GRHPR: variants seen among roughly 807,000 people sequenced by gnomAD.
The protein encoded by GRHPR is glyoxylate reductase/hydroxypyruvate reductase.
Under a neutral mutation model 36.8 loss-of-function variants are expected in GRHPR, and 35 were observed. That is an observed-to-expected ratio of 0.95 (90% CI 0.73 to 1.26). The LOEUF is 1.26. Among genes scored for constraint, GRHPR ranks in the 50% most tolerant of loss-of-function variants. The probability of loss-of-function intolerance (pLI) is 0.00; values close to 1 mark genes in which losing one functional copy is unlikely to be tolerated. For missense variants in GRHPR, 380 were observed against 435.0 expected (o/e 0.87, Z 1.12); for synonymous variants, 179 against 181.0 (o/e 0.99, Z 0.09).
chr9:37,429,452 C>A, intron 5 of GRHPR: 1 of 487,630 alleles, frequency 2.1e-6, no homozygotes, highest in Non-Finnish European at 3.8e-6. Context: ...ACCTGAGTGG[C>A]TTTCCAGATG....
chr9:37,434,590 A>G, intron 8 of GRHPR: 1 of 242,630 alleles, frequency 4.1e-6, no homozygotes. Flanking sequence ...AAGTTAATGA[A>G]GGCCATAGGA....
At chr9:37,432,409 G>T (rs538596039) in intron 8 of GRHPR, 29 of 389,570 alleles carry the variant, frequency 7.4e-5, no homozygotes, top group South Asian at 5.8e-4. Context: ...GCCAGGCGTG[G>T]TGGCTCATGC....
intron 6 of GRHPR, 150 bp downstream of exon 6, chr9:37,429,986 T>C: frequency 4.3e-6 from 3 of 689,878 alleles, no homozygotes; most frequent in Non-Finnish European, 7.9e-6. Flanking sequence ...TACCTGCCCC[T>C]GGACACTGGC....
chr9:37,432,464 G>T, intron 8 of GRHPR: 1 of 342,528 alleles, frequency 2.9e-6, no homozygotes, highest in Non-Finnish European at 5.8e-6. Flanking sequence ...TGGATCACGA[G>T]GTCAGGGGTT....
intron 4 of GRHPR, chr9:37,428,074 G>A (rs1347638639): frequency 3.1e-6 from 1 of 327,486 alleles, no homozygotes; most frequent in African/African-American, 2.1e-5. Flanking sequence ...CTTGCCCAGG[G>A]CAGCAGGGTG....
chr9:37,428,624 G>A, intron 5 of GRHPR, 52 bp downstream of exon 5: 1 of 1,174,768 alleles, frequency 8.5e-7, no homozygotes, highest in Non-Finnish European at 1.3e-6. Flanking sequence ...AGCGTGGTTT[G>A]CATCCCTGGC....
At position 37,425,947 on chromosome 9, in the gene GRHPR, C is replaced by T; in HGVS notation, c.240C>T (p.Thr80=). ...AAGANLKVIS[T]MSVGIDHLAL... The stretch of plus-strand genomic sequence containing the variant: ...GGGCCAATCTCAAAGTCATCAGCAC[C>T]ATGTCTGTGGGCATCGACCACTTGG... The change falls in exon 3 of 9, where the codon ACC becomes ACT. Residue 80 remains threonine, a synonymous_variant. Coordinates refer to ENST00000318158, the MANE Select transcript of GRHPR (RefSeq NM_012203.2). The T allele has an allele frequency of 6.2e-7, 1 of 1,613,684 alleles. No homozygotes were observed. The highest frequency in any genetic ancestry group is 8.5e-7 in the Non-Finnish European group (1 of 1,179,608).
intron 8 of GRHPR, chr9:37,434,515 C>T: frequency 2.3e-6 from 1 of 440,824 alleles, no homozygotes; most frequent in Non-Finnish European, 4.2e-6. Flanking sequence ...AGAGGAAAAG[C>T]CCGCAGAACA....
At position 37,424,901 on chromosome 9, in the gene GRHPR, G is replaced by A. The variant is rs1357326535; in HGVS notation, c.140G>A (p.Arg47Gln). 7.4e-6 allele frequency: 12 copies of A among 1,613,498 alleles called. No individual in the cohort carries two copies. The highest frequency in any genetic ancestry group is 1.7e-5 in the Admixed American group (1 of 60,004). Residue 47 changes from arginine (R) to glutamine (Q), a missense_variant, in exon 2 of 9, where the codon CGA becomes CAA. Transcript: ENST00000318158. Reference protein sequence around the residue: ...DEPIPAKELERGVAGAHGLLC... With the variant: ...DEPIPAKELEQGVAGAHGLLC... ...CCCATCCCTGCCAAGGAGCTAGAGC[G>A]AGGTGTGGCGGGGGCCCACGGCCTG...
Position 37,422,715 on chromosome 9 carries a change from T to G in GRHPR, c.-36T>G. 2 of 1,500,910 alleles carry G rather than the reference T, an allele frequency of 1.3e-6. No homozygotes were observed. Among genetic ancestry groups the G allele is most frequent in the East Asian group, 4.9e-5 (2 of 41,040 alleles). 93.0% of individuals were successfully genotyped at this position (1,500,910 alleles called of 1,614,324 possible). A position where few individuals can be genotyped will look rare whatever the true frequency, so the allele number is the denominator to read the frequency against. ...CCAGCTACATTCCCGGGCCAGCTTC[T>G]GTACTGCCAGGTCCGGGTCGGCGGC... is the stretch of plus-strand genomic sequence containing the variant. On this transcript the variant is annotated 5_prime_UTR_variant, in exon 1 of 9. Transcript: ENST00000318158.
At chr9:37,426,939 A>C (rs1459230886) in intron 4 of GRHPR, among the ~76,000 whole-genome samples, 2 of 139,814 alleles carry the variant, frequency 1.4e-5, no homozygotes, top group African/African-American at 5.3e-5. Flanking sequence ...TGACGGTGTG[A>C]GACTCTGTCT....
intron 8 of GRHPR, among the ~76,000 whole-genome samples, chr9:37,433,518 G>T (rs1391112854): frequency 1.3e-5 from 2 of 152,162 alleles, no homozygotes; most frequent in Non-Finnish European, 2.9e-5. Flanking sequence ...ACAGGCATGA[G>T]TGTCCGGCCA....
At chr9:37,423,775 A>G (rs1236091622) in intron 1 of GRHPR, among the ~76,000 whole-genome samples, 1 of 152,246 alleles carries the variant, frequency 6.6e-6, no homozygotes, top group East Asian at 1.9e-4. Context: ...CACCTGGCCC[A>G]CCCTTGCTAA....
At chr9:37,438,342 T>C (rs1361491854), downstream of GRHPR, 1 of 152,568 alleles carries the variant, frequency 6.6e-6, no homozygotes, top group Non-Finnish European at 1.5e-5. Flanking sequence ...TGGGACTGGT[T>C]TTCCAGGGAA....
intron 5 of GRHPR, chr9:37,429,282 G>T (rs762898688): frequency 1.3e-4 from 35 of 278,190 alleles, no homozygotes; most frequent in Admixed American, 1.9e-4. Flanking sequence ...CATGAAAATT[G>T]TAAGTTTGGG....
At chr9:37,428,868 G>T (rs908515557) in intron 5 of GRHPR, 2 of 503,170 alleles carry the variant, frequency 4.0e-6, no homozygotes, top group South Asian at 1.9e-5. Flanking sequence ...TGTTGGGGCC[G>T]TTAGGAGTGG....
chr9:37,430,338 C>A, intron 6 of GRHPR, 173 bp from the exon 7 acceptor site: 2 of 697,016 alleles, frequency 2.9e-6, no homozygotes, highest in Non-Finnish European at 5.2e-6. Flanking sequence ...CCAGATCCCA[C>A]TGTGTGTGAT....
intron 8 of GRHPR, chr9:37,434,354 C>T (rs1380410843): frequency 4.2e-6 from 2 of 481,610 alleles, no homozygotes; most frequent in Non-Finnish European, 7.4e-6. Flanking sequence ...GGCCAGCGGC[C>T]CCTGTGGGGA....
rs145899443 is a variant in GRHPR, at chr9:37,430,549, G to A, written c.637G>A (p.Val213Ile). 34 of 1,613,698 alleles carry A rather than the reference G, an allele frequency of 2.1e-5. No homozygotes were observed. In the East Asian group the frequency reaches 4.0e-4, roughly 19 times the overall value. ...GCTGGCTGCCCAATCTGATTTCATCGTCGTGGCCTGCTCCTTAACACCTGC... is the reference window on the plus strand; with the variant it reads ...GCTGGCTGCCCAATCTGATTTCATCATCGTGGCCTGCTCCTTAACACCTGC... ...PELAAQSDFIVVACSLTPATE... is the reference protein window; with the variant it reads ...PELAAQSDFIIVACSLTPATE... The change falls in exon 7 of 9, where the codon GTC (valine) becomes ATC (isoleucine). Residue 213 changes from valine to isoleucine, a missense_variant. Physicochemically the swap from Val to Ile is conservative, Grantham distance 29. Transcript: ENST00000318158.
Sources: gnomAD v4.1 joint callset for allele counts (sites outside exome capture counted in the v4.1 genomes callset) on GRCh38, gnomAD v4.1.1 for gene constraint, MANE v1.5 for transcripts, NCBI Gene and HGNC (gene_info 2026-07-23, HGNC 2026-07-21) for gene names.